Variants in SF3B3 observed in about 807,000 individuals in gnomAD.
The protein encoded by SF3B3 is SAP 130.
Under a neutral mutation model 139.2 loss-of-function variants are expected in SF3B3, and 33 were observed. That is an observed-to-expected ratio of 0.24 (90% CI 0.18 to 0.32). SF3B3 has a LOEUF of 0.32. Among genes scored for constraint, SF3B3 ranks in the 10% least tolerant of loss-of-function variants. SF3B3 has a pLI of 1.00. For missense variants in SF3B3, 818 were observed against 1,509.4 expected (o/e 0.54, Z 7.59); for synonymous variants, 596 against 563.6 (o/e 1.06, Z -0.81).
At chr16:70,548,524 CT>C (rs2050290504) in intron 11 of SF3B3, 82 bp downstream of exon 11, 1 of 1,184,752 alleles carries the variant, frequency 8.4e-7, no homozygotes, top group Non-Finnish European at 1.3e-6. Flanking sequence ...GTTCATAATA[CT>C]TCTGTATCAT....
intron 10 of SF3B3, among the ~76,000 whole-genome samples, chr16:70,544,734 A>T (rs892789553): frequency 6.6e-6 from 1 of 152,200 alleles, no homozygotes; most frequent in Non-Finnish European, 1.5e-5. Context: ...TGTGTTGCCC[A>T]GGCTGGTGTG....
chr16:70,543,589 TC>T (rs2050240392), intron 9 of SF3B3, among the ~76,000 whole-genome samples: 1 of 152,020 alleles, frequency 6.6e-6, no homozygotes, highest in South Asian at 2.1e-4. Context: ...GTGCTTGTAA[TC>T]CCAGCTACTT....
intron 1 of SF3B3, 23 bp downstream of exon 1, chr16:70,523,951 T>G: frequency 2.4e-6 from 1 of 419,778 alleles, no homozygotes; most frequent in Non-Finnish European, 4.2e-6. Flanking sequence ...CCTGGAGACT[T>G]CCCCGGGCCC....
chr16:70,548,539 AT>A lies in SF3B3; in HGVS notation c.1402+100del. 3 of 1,058,794 alleles carry A rather than the reference AT, an allele frequency of 2.8e-6. No individual in the cohort carries two copies. In the East Asian group the frequency reaches 7.2e-5, roughly 25 times the overall value. The allele number at this position is 1,058,794 out of a possible 1,614,324, so 65.6% of individuals were successfully genotyped here. Reference sequence around the variant, plus strand: ...GTTCATAATACTTCTGTATCATTTCATTTAGCACCATATACCAGAAACTTTC... The same window carrying A: ...GTTCATAATACTTCTGTATCATTTCATTAGCACCATATACCAGAAACTTTC... On this transcript the variant is annotated intron_variant, in intron 11 of 25. Transcript: ENST00000302516.
Position 70,571,674 on chromosome 16 carries a change from A to G in SF3B3, c.3515A>G (p.Asn1172Ser), listed in dbSNP as rs746837697. 7 of 1,607,568 alleles carry G rather than the reference A, an allele frequency of 4.4e-6. No homozygotes were observed. Among genetic ancestry groups the G allele is most frequent in the African/African-American group, 1.3e-5 (1 of 74,394 alleles). Residue 1172 changes from asparagine to serine, a missense_variant and splice_region_variant, in exon 26 of 26, where the codon AAT becomes AGT. Asn to Ser is a conservative substitution (Grantham distance 46). This residue lies in a region of SF3B3 where 44 missense variants were observed against 40.4 expected (regional missense o/e 1.09). Coordinates refer to ENST00000302516, the MANE Select transcript of SF3B3 (RefSeq NM_012426.5). ...SFRSYYFPVKNVIDGDLCEQF... is the reference protein window; with the variant it reads ...SFRSYYFPVKSVIDGDLCEQF... The stretch of plus-strand genomic sequence containing the variant: ...CTTTCTGCTTTCTCCATATCTTAGA[A>G]TGTGATTGATGGAGACCTCTGTGAG...
chr16:70,535,944 T>G (rs1306366601), intron 6 of SF3B3, among the ~76,000 whole-genome samples: 1 of 152,224 alleles, frequency 6.6e-6, no homozygotes, highest in Non-Finnish European at 1.5e-5. Context: ...ACAGGCATTA[T>G]GATGCCTCAC....
chr16:70,570,804 A>G lies in SF3B3; in HGVS notation c.3409-291A>G, dbSNP rs1251632557. Among the ~76,000 whole-genome samples the G allele has an allele frequency of 2.0e-5, 3 of 152,310 alleles. No individual in the cohort carries two copies. The East Asian group carries it at 5.8e-4, about 29-fold the overall frequency. ...ATATGGAATCAACTCTAGGTTTGCC[A>G]GAGTTTGGCATGTTTTATTCCAGCC... On this transcript the variant is annotated intron_variant, in intron 24 of 25. Transcript: ENST00000302516.
chr16:70,530,025 T>C (rs1045738522), intron 3 of SF3B3, among the ~76,000 whole-genome samples: 5 of 13,650 alleles, frequency 3.7e-4, no homozygotes, highest in Admixed American at 2.1e-3. Flanking sequence ...TCCCAGCTAC[T>C]TGGGGCAGGA....
rs1597726936 is a variant in SF3B3 at position 70,573,785 on chromosome 16, C to A, written c.*1972C>A. 1 of 152,314 alleles carries A rather than the reference C, an allele frequency of 6.6e-6. No homozygotes were observed. Among genetic ancestry groups the A allele is most frequent in the South Asian group, 2.1e-4 (1 of 4,828 alleles). The allele number at this position is 152,314 out of a possible 1,614,324, so 9.4% of individuals were successfully genotyped here. ...CAGAACTCAGACAGAGGGATCTGCC[C>A]TTGGGTTTGCTTCCATCCTGTTCCA... is the stretch of plus-strand genomic sequence containing the variant. On this transcript the variant is annotated 3_prime_UTR_variant, in exon 26 of 26. Transcript: ENST00000302516.
At chr16:70,570,968 A>G in intron 24 of SF3B3, 127 bp from the exon 25 acceptor site, 1 of 720,538 alleles carries the variant, frequency 1.4e-6, no homozygotes, top group Non-Finnish European at 2.5e-6. Flanking sequence ...ATTATCAGAA[A>G]GTGATTAGAT....
At chr16:70,543,487 G>A (rs2050239441) in intron 9 of SF3B3, among the ~76,000 whole-genome samples, 1 of 151,786 alleles carries the variant, frequency 6.6e-6, no homozygotes, top group Non-Finnish European at 1.5e-5. Flanking sequence ...GCGGGTAGAT[G>A]ACCTGAGGTC....
At chr16:70,569,195 G>T in intron 23 of SF3B3, 54 bp downstream of exon 23, 2 of 1,282,476 alleles carry the variant, frequency 1.6e-6, no homozygotes, top group Non-Finnish European at 2.2e-6. Context: ...TTTTCCTGTT[G>T]CCCTCACTGA....
chr16:70,572,012 C>T lies in SF3B3; in HGVS notation c.*199C>T, dbSNP rs1448347573. 2.9e-6 allele frequency: 2 copies of T among 692,762 alleles called. No homozygotes were observed. The highest frequency in any genetic ancestry group is 1.8e-5 in the African/African-American group (1 of 56,292). The allele number at this position is 692,762 out of a possible 1,614,324, so 42.9% of individuals were successfully genotyped here. ...CTCAAATTGGCACTGAGATTTGCTA[C>T]ACTTCTCCCCACCTGGTACATGATA... On this transcript the variant is annotated 3_prime_UTR_variant, in exon 26 of 26. Coordinates refer to ENST00000302516, the MANE Select transcript of SF3B3 (RefSeq NM_012426.5).
Position 70,538,433 on chromosome 16 carries a change from G to A in SF3B3, c.936G>A (p.Lys312=). 1 of 1,613,970 alleles carries A rather than the reference G, an allele frequency of 6.2e-7. No homozygotes were observed. Among genetic ancestry groups the A allele is most frequent in the South Asian group, 1.1e-5 (1 of 91,084 alleles). Residue 312 remains lysine (K), a synonymous_variant, in exon 7 of 26, where the codon AAG becomes AAA. Coordinates refer to ENST00000302516, the MANE Select transcript of SF3B3 (RefSeq NM_012426.5). ...LAQTEQGDIF[K]ITLETDEDMV... ...AAACTGAGCAGGGAGATATCTTTAAGATCACTTTGGAGACAGATGAAGATA... is the reference window on the plus strand; with the variant it reads ...AAACTGAGCAGGGAGATATCTTTAAAATCACTTTGGAGACAGATGAAGATA...
intron 11 of SF3B3, among the ~76,000 whole-genome samples, chr16:70,553,353 G>T (rs2050346763): frequency 6.6e-6 from 1 of 152,142 alleles, no homozygotes; most frequent in African/African-American, 2.4e-5. Flanking sequence ...CATGTGGGTG[G>T]GTGGGTGGAC....
chr16:70,533,952 C>A, intron 5 of SF3B3, among the ~76,000 whole-genome samples: 1 of 152,166 alleles, frequency 6.6e-6, no homozygotes, highest in East Asian at 1.9e-4. Context: ...AGTCAGTCTG[C>A]TGGATCTTGG....
rs1393087448 is a variant in SF3B3 at position 70,569,102 on chromosome 16, C to T, written c.3225C>T (p.Ala1075=). 3 of 1,611,942 alleles carry T rather than the reference C, an allele frequency of 1.9e-6. No homozygotes were observed. Among genetic ancestry groups the T allele is most frequent in the Admixed American group, 1.7e-5 (1 of 59,852 alleles). ...EVDEDPTGNK[A]LWDRGLLNGA... Reference sequence around the variant, plus strand: ...ATGAGGATCCTACAGGAAACAAAGCCCTGTGGGACCGTGGCTTGCTCAATG... The same window carrying T: ...ATGAGGATCCTACAGGAAACAAAGCTCTGTGGGACCGTGGCTTGCTCAATG... The change falls in exon 23 of 26, where the codon GCC becomes GCT. Residue 1075 remains alanine (A), a synonymous_variant. Transcript: ENST00000302516.
At chr16:70,564,761 G>C (rs1331656091) in intron 18 of SF3B3, among the ~76,000 whole-genome samples, 1 of 152,212 alleles carries the variant, frequency 6.6e-6, no homozygotes, top group Non-Finnish European at 1.5e-5. Context: ...GGATAGAAAA[G>C]TGGAGTTTCC....
rs757034589 is a variant in SF3B3 at position 70,568,274 on chromosome 16, T to C, written c.2953-9T>C. 6.2e-7 allele frequency: 1 copy of C among 1,602,312 alleles called. No homozygotes were observed. Among genetic ancestry groups the C allele is most frequent in the Non-Finnish European group, 8.6e-7 (1 of 1,169,432 alleles). ...CACCCACCATCACTATTGTCTTTGT[T>C]TTTCCCAGCATATTGCCAATTATAT... On this transcript the variant is annotated splice_polypyrimidine_tract_variant and intron_variant, in intron 21 of 25. Transcript: ENST00000302516.
Sources: gnomAD v4.1 joint callset for allele counts (sites outside exome capture counted in the v4.1 genomes callset) on GRCh38, gnomAD v4.1.1 for gene constraint, gnomAD v4.1.1 regional missense constraint, MANE v1.5 for transcripts, NCBI Gene and HGNC (gene_info 2026-07-23, HGNC 2026-07-21) for gene names.